Variants in CPT1C observed in about 807,000 individuals in gnomAD.
CPT1C encodes the protein carnitine palmitoyltransferase 1C.
In CPT1C, 61 loss-of-function variants were observed where a neutral mutation model predicts 97.3. The observed-to-expected ratio is 0.63, with a 90% CI of 0.51 to 0.78. The LOEUF (loss-of-function observed/expected upper bound fraction) is 0.78, where lower values mean the gene tolerates loss of function less well. Among genes scored for constraint, CPT1C ranks in the 30% least tolerant of loss-of-function variants. CPT1C has a pLI of 0.00. For missense variants in CPT1C, 975 were observed against 1,065.5 expected (o/e 0.92, Z 1.18); for synonymous variants, 469 against 447.2 (o/e 1.05, Z -0.61).
intron 5 of CPT1C, 117 bp downstream of exon 5, chr19:49,700,972 T>C (rs1444609499): frequency 6.5e-6 from 7 of 1,083,018 alleles, no homozygotes; most frequent in Admixed American, 2.1e-5. Flanking sequence ...CTGGGTCTCT[T>C]CCCCCTCTCT....
chr19:49,693,274 C>T (rs1322507331), intron 3 of CPT1C, among the ~76,000 whole-genome samples: 1 of 152,144 alleles, frequency 6.6e-6, no homozygotes, highest in African/African-American at 2.4e-5. Context: ...AACTCTTGCA[C>T]TGTCTCCATA....
In CPT1C at chr19:49,713,643, G is replaced by A. The variant is rs747402610; in HGVS notation, c.*38G>A. The A allele has an allele frequency of 1.5e-5, 23 of 1,564,748 alleles. No homozygotes were observed. The highest frequency in any genetic ancestry group is 1.9e-5 in the Non-Finnish European group (22 of 1,153,914). ...GGCAGCTGGCCTCTCCAAGGAATAA[G>A]GGTGAAATTGCCACAGCTGGCTGAC... On this transcript the variant is annotated 3_prime_UTR_variant, in exon 20 of 20. Transcript: ENST00000598293.
At chr19:49,709,699 T>C (rs2083730807) in intron 14 of CPT1C, among the ~76,000 whole-genome samples, 1 of 145,896 alleles carries the variant, frequency 6.9e-6, no homozygotes, top group Non-Finnish European at 1.5e-5. Flanking sequence ...GGATTACAGG[T>C]GCCCACTACC....
In CPT1C at chr19:49,713,476, G is replaced by A. The variant is rs2084054176; in HGVS notation, c.2283G>A (p.Leu761=). The change falls in exon 20 of 20, where the codon CTG becomes CTA. Residue 761 remains leucine, a synonymous_variant. Coordinates refer to ENST00000598293, the MANE Select transcript of CPT1C (RefSeq NM_001199753.2). The part of the protein sequence containing the change: ...IEDALLDVAS[L]FQAGQHFKRR... Reference sequence around the variant, plus strand: ...ACGCACTGCTGGATGTGGCCTCCCTGTTCCAGGCGGGACAGCATTTTAAGC... The same window carrying A: ...ACGCACTGCTGGATGTGGCCTCCCTATTCCAGGCGGGACAGCATTTTAAGC... 6.2e-7 allele frequency: 1 copy of A among 1,614,218 alleles called. No homozygotes were observed. The highest frequency in any genetic ancestry group is 8.5e-7 in the Non-Finnish European group (1 of 1,180,034).
Position 49,701,359 on chromosome 19 carries a change from A to T in CPT1C, c.496A>T (p.Ser166Cys). The T allele has an allele frequency of 6.2e-7, 1 of 1,613,604 alleles. No individual in the cohort carries two copies. The highest frequency in any genetic ancestry group is 8.5e-7 in the Non-Finnish European group (1 of 1,179,946). The stretch of plus-strand genomic sequence containing the variant: ...CTCTGGCCGCCACCCGATGCTGTTC[A>T]GTTACCAGCGCTCCCTGCCACGCCA... ...IFSGRHPMLF[S>C]YQRSLPRQPV... The change falls in exon 6 of 20, where the codon AGT becomes TGT. Residue 166 changes from serine to cysteine, a missense_variant. This residue lies in a region of CPT1C where 596 missense variants were observed against 603.1 expected (regional missense o/e 0.99). Coordinates refer to ENST00000598293, the MANE Select transcript of CPT1C (RefSeq NM_001199753.2).
chr19:49,712,651 A>AC, intron 17 of CPT1C, 85 bp from the exon 18 acceptor site: 1 of 1,009,274 alleles, frequency 9.9e-7, no homozygotes, highest in Non-Finnish European at 1.6e-6. Flanking sequence ...GTAAAAAAAA[A>AC]GCCAGGGATG....
chr19:49,705,048 C>T lies in CPT1C; in HGVS notation c.813C>T (p.Arg271=), dbSNP rs200717435. The change falls in exon 9 of 20, where the codon CGC becomes CGT. Residue 271 remains arginine, a synonymous_variant. Coordinates refer to ENST00000598293, the MANE Select transcript of CPT1C (RefSeq NM_001199753.2). The part of the protein sequence containing the change: ...YVTPTPLQAA[R]AGNAVHALLL... Reference sequence around the variant, plus strand: ...CACCCACGCCTCTGCAGGCAGCTCGCGCTGGGAATGCCGTCCATGCCCTCC... The same window carrying T: ...CACCCACGCCTCTGCAGGCAGCTCGTGCTGGGAATGCCGTCCATGCCCTCC... 27 of 1,610,538 alleles carry T rather than the reference C, an allele frequency of 1.7e-5. No homozygotes were observed. The highest frequency in any genetic ancestry group is 1.7e-4 in the Middle Eastern group (1 of 5,804).
At chr19:49,697,295 T>C in intron 3 of CPT1C, 31 bp from the exon 4 acceptor site, 1 of 1,613,058 alleles carries the variant, frequency 6.2e-7, no homozygotes, top group Non-Finnish European at 8.5e-7. Flanking sequence ...AGAGGGCAGA[T>C]GATTCAATGG....
rs2083487257 is a variant in CPT1C, at chr19:49,706,167, A to AGGGCAGGGTGGGGCCAGGTGGCGGCT, written c.1161-56_1161-31dup. The AGGGCAGGGTGGGGCCAGGTGGCGGCT allele has an allele frequency of 5.8e-6, 9 of 1,561,292 alleles. No homozygotes were observed. In the South Asian group the frequency reaches 1.1e-4, roughly 19 times the overall value. On this transcript the variant is annotated intron_variant, in intron 11 of 19. Coordinates refer to ENST00000598293, the MANE Select transcript of CPT1C (RefSeq NM_001199753.2). The surrounding 1 kb of genome is among the most constrained non-coding windows in gnomAD (Gnocchi z 4.8). ...GCCGCCAGTGTCCTGAGACTGTGGAAGGGCAGGGTGGGGCCAGGTGGCGGC... is the reference window on the plus strand; with the variant it reads ...GCCGCCAGTGTCCTGAGACTGTGGAAGGGCAGGGTGGGGCCAGGTGGCGGCTGGGCAGGGTGGGGCCAGGTGGCGGC...
chr19:49,693,099 G>A (rs2082445319), intron 3 of CPT1C, among the ~76,000 whole-genome samples: 1 of 152,128 alleles, frequency 6.6e-6, no homozygotes, highest in African/African-American at 2.4e-5. Context: ...TGTTGGCCAG[G>A]CTAATCTCGA....
At chr19:49,702,753 G>GTACCCCCT (rs1350707561) in intron 7 of CPT1C, among the ~76,000 whole-genome samples, 44 of 152,256 alleles carry the variant, frequency 2.9e-4, no homozygotes, top group Admixed American at 2.4e-3. Flanking sequence ...GCCATGGGAG[G>GTACCCCCT]GTTTGGAGCA....
intron 3 of CPT1C, among the ~76,000 whole-genome samples, chr19:49,695,958 C>T (rs1342257370): frequency 6.6e-6 from 1 of 152,080 alleles, no homozygotes; most frequent in Non-Finnish European, 1.5e-5. Flanking sequence ...CTCACTGCAA[C>T]CTCCATCTCC....
chr19:49,712,531 G>C (rs2083962506), intron 17 of CPT1C: 2 of 581,730 alleles, frequency 3.4e-6, no homozygotes, highest in Non-Finnish European at 6.2e-6. Context: ...GTCCGAGGGA[G>C]AAGAGGAGAG....
intron 3 of CPT1C, among the ~76,000 whole-genome samples, chr19:49,696,299 C>T (rs938365358): frequency 3.3e-5 from 5 of 151,848 alleles, no homozygotes; most frequent in African/African-American, 4.9e-5. Flanking sequence ...GCTCATTAAA[C>T]GTTAGTTATC....
At chr19:49,701,270 C>T in intron 5 of CPT1C, 47 bp from the exon 6 acceptor site, 2 of 1,543,892 alleles carry the variant, frequency 1.3e-6, no homozygotes, top group East Asian at 2.3e-5. Flanking sequence ...CCGTCAACTC[C>T]CTGGCTCCGG....
intron 7 of CPT1C, among the ~76,000 whole-genome samples, chr19:49,702,060 A>ATATATT (rs2083166003): frequency 1.9e-5 from 2 of 104,818 alleles, no homozygotes; most frequent in African/African-American, 8.6e-5. Context: ...TTATAAATAT[A>ATATATT]TATTTATTTA....
intron 14 of CPT1C, among the ~76,000 whole-genome samples, chr19:49,709,842 C>T (rs2083740334): frequency 6.7e-6 from 1 of 150,368 alleles, no homozygotes; most frequent in African/African-American, 2.5e-5. Context: ...AGGCGTGAGC[C>T]ACCGCGCCCG....
chr19:49,695,795 A>C lies in CPT1C; in HGVS notation c.142-1531A>C, dbSNP rs983543946. Among the ~76,000 whole-genome samples the C allele has an allele frequency of 5.9e-5, 9 of 151,556 alleles. No homozygotes were observed. In the East Asian group the frequency reaches 1.2e-3, roughly 20 times the overall value. On this transcript the variant is annotated intron_variant, in intron 3 of 19. Coordinates refer to ENST00000598293, the MANE Select transcript of CPT1C (RefSeq NM_001199753.2). ...ACGGGGTTTCACCATGTTGGCCAGG[A>C]TGGTCTCGATCTCTTGACCTCGTGA...
chr19:49,694,593 C>T (rs1480800176), intron 3 of CPT1C, among the ~76,000 whole-genome samples: 1 of 147,180 alleles, frequency 6.8e-6, no homozygotes, highest in African/African-American at 2.5e-5. Context: ...TGCGCCACTG[C>T]ACTCCAGCCT....
Sources: gnomAD v4.1 joint callset for allele counts (sites outside exome capture counted in the v4.1 genomes callset) on GRCh38, gnomAD v4.1.1 for gene constraint, gnomAD v4.1.1 regional missense constraint, Gnocchi (gnomAD v3.1) non-coding constraint, MANE v1.5 for transcripts, NCBI Gene and HGNC (gene_info 2026-07-23, HGNC 2026-07-21) for gene names.